Variants in CCDC186 observed in about 807,000 individuals in gnomAD.
CCDC186 encodes coiled-coil domain-containing protein 186.
CCDC186 carries 49 observed loss-of-function variants against 113.7 expected under a neutral mutation model. The ratio of observed to expected loss-of-function variants is 0.43; its 90% CI spans 0.34 to 0.55. The LOEUF is 0.55. CCDC186 is among the 20% of genes least tolerant of loss of function. The pLI is 0.02. For synonymous variants in CCDC186, 355 were observed against 345.8 expected, an observed-to-expected ratio of 1.03 and a Z score of -0.30; for missense variants, 890 against 1,011.1, an observed-to-expected ratio of 0.88 and a Z score of 1.62.
At chr10:114,144,778 G>C (rs1238344652) in intron 5 of CCDC186, among the ~76,000 whole-genome samples, 162 bp from the exon 6 acceptor site, 1 of 151,874 alleles carries the variant, frequency 6.6e-6, no homozygotes, top group Admixed American at 6.6e-5. Context: ...ATGAGAAGAG[G>C]GTAGTAAAAT....
In CCDC186 at chr10:114,125,775, ATGAC is replaced by A. The variant is rs2030879872; in HGVS notation, c.2613+107_2613+110del. 3.8e-6 allele frequency: 3 copies of A among 781,158 alleles called. No individual in the cohort carries two copies. The South Asian group carries it at 6.3e-5, about 16-fold the overall frequency. The allele number at this position is 781,158 out of a possible 1,614,324, so 48.4% of individuals were successfully genotyped here. ...TCACGAAACTTCATCTTTGGGTAAAATGACTGCCTTGCATTACAGAAACAGCCCA... is the reference window on the plus strand; with the variant it reads ...TCACGAAACTTCATCTTTGGGTAAAATGCCTTGCATTACAGAAACAGCCCA... On this transcript the variant is annotated intron_variant, in intron 15 of 15. Coordinates refer to ENST00000369287, the MANE Select transcript of CCDC186 (RefSeq NM_018017.4).
Position 114,169,234 on chromosome 10 carries a change from CTTTTTTT to C in CCDC186, c.-62+4774_-62+4780del, listed in dbSNP as rs34677282. ...TTAAATTATAAACTGTAGTACCATT[CTTTTTTT>C]TTTTTTTTTTTTTTTTTCTTAAAAA... On this transcript the variant is annotated intron_variant, in intron 1 of 15. Coordinates refer to ENST00000369287, the MANE Select transcript of CCDC186 (RefSeq NM_018017.4). 5.0e-3 allele frequency among the ~76,000 whole-genome samples: 492 copies of C among 97,514 alleles called. 1 individual carries two copies. The highest frequency in any genetic ancestry group is 0.041 in the Admixed American group (357 of 8,716). The allele number at this position is 97,514 out of a possible 152,430, so 64.0% of individuals were successfully genotyped here. A position where few individuals can be genotyped will look rare whatever the true frequency, so the allele number is the denominator to read the frequency against.
chr10:114,167,435 T>C (rs1564920569), intron 1 of CCDC186, among the ~76,000 whole-genome samples: 1 of 152,028 alleles, frequency 6.6e-6, no homozygotes. Context: ...GAAAAAGCAA[T>C]GAACTTGATT....
chr10:114,162,497 A>G (rs2032201595), intron 2 of CCDC186, 140 bp downstream of exon 2: 1 of 619,488 alleles, frequency 1.6e-6, no homozygotes, highest in Non-Finnish European at 2.6e-6. Flanking sequence ...GCAACTATAC[A>G]TTTATTGTTC....
chr10:114,129,946 C>T lies in CCDC186; in HGVS notation c.2127G>A (p.Glu709=). 1 of 1,613,598 alleles carries T rather than the reference C, an allele frequency of 6.2e-7. No homozygotes were observed. Among genetic ancestry groups the T allele is most frequent in the Non-Finnish European group, 8.5e-7 (1 of 1,179,668 alleles). ...TGACTTCTTTGTCATAGCTTCCACT[C>T]TCAACCTGATCTAATTTTCTTCGTG... The part of the protein sequence containing the change: ...QQARRKLDQV[E]SGSYDKEVSS... Residue 709 remains glutamate (E), a synonymous_variant, in exon 13 of 16, where the codon GAG becomes GAA. Coordinates refer to ENST00000369287, the MANE Select transcript of CCDC186 (RefSeq NM_018017.4).
intron 1 of CCDC186, among the ~76,000 whole-genome samples, chr10:114,169,156 AGT>A (rs2032415595): frequency 6.6e-6 from 1 of 151,992 alleles, no homozygotes; most frequent in South Asian, 2.1e-4. Context: ...GAAATGCAGA[AGT>A]GTTTTAAGTA....
chr10:114,144,279 T>G (rs1003824732), intron 6 of CCDC186, among the ~76,000 whole-genome samples: 4 of 152,132 alleles, frequency 2.6e-5, no homozygotes, highest in Admixed American at 2.0e-4. Context: ...GTAAATAATG[T>G]GAGGACATTT....
At chr10:114,153,574 T>C (rs1431396021) in intron 3 of CCDC186, among the ~76,000 whole-genome samples, 1 of 151,490 alleles carries the variant, frequency 6.6e-6, no homozygotes, top group African/African-American at 2.4e-5. Context: ...TCACTTGAGG[T>C]CAGGAGTTCG....
At chr10:114,155,679 GATAAAATAAA>G (rs771439823) in intron 3 of CCDC186, among the ~76,000 whole-genome samples, 4 of 151,106 alleles carry the variant, frequency 2.6e-5, no homozygotes, top group South Asian at 4.2e-4. Flanking sequence ...CCATCTCAAA[GATAAAATAAA>G]ATAAAATAAA....
In CCDC186 at chr10:114,172,425, T is replaced by C. The variant is rs2032519055; in HGVS notation, c.-62+1590A>G. Among the ~76,000 whole-genome samples the C allele has an allele frequency of 2.0e-5, 3 of 152,340 alleles. No homozygotes were observed. The South Asian group carries it at 6.2e-4, about 32-fold the overall frequency. On this transcript the variant is annotated intron_variant, in intron 1 of 15. Transcript: ENST00000369287. ...TCACTGCATAGCATTAAAGGACAAC[T>C]CTACTTTATGGGTGAAAGAACTAAA...
chr10:114,171,903 C>A (rs2032504152), intron 1 of CCDC186, among the ~76,000 whole-genome samples: 1 of 152,084 alleles, frequency 6.6e-6, no homozygotes, highest in South Asian at 2.1e-4. Context: ...AGTATTTTTC[C>A]TTTTTCTTAC....
At chr10:114,170,291 C>T (rs1182425280) in intron 1 of CCDC186, among the ~76,000 whole-genome samples, 3 of 151,818 alleles carry the variant, frequency 2.0e-5, no homozygotes, top group Non-Finnish European at 4.4e-5. Context: ...TTAAAGTAGT[C>T]ACATCCTATT....
chr10:114,132,814 G>C (rs189128977), intron 10 of CCDC186, among the ~76,000 whole-genome samples: 6 of 152,348 alleles, frequency 3.9e-5, no homozygotes, highest in African/African-American at 1.4e-4. Flanking sequence ...GAGGCTTCTT[G>C]TTGGTCCTAA....
rs775134226 is a variant in CCDC186, at chr10:114,132,010, C to G, written c.1830G>C (p.Gln610His). The G allele has an allele frequency of 1.2e-6, 2 of 1,613,114 alleles. No homozygotes were observed. Among genetic ancestry groups the G allele is most frequent in the African/African-American group, 2.7e-5 (2 of 74,910 alleles). ...AQLQSESNSL[Q>H]SQFDKVSCSE... ...TACAGGAAACTTTATCAAATTGTGA[C>G]TGCAAAGAATTGGATTCAGACTGAA... is the stretch of plus-strand genomic sequence containing the variant. The change falls in exon 11 of 16, where the codon CAG (glutamine) becomes CAC (histidine). Residue 610 changes from glutamine (Q) to histidine (H), a missense_variant. Transcript: ENST00000369287.
intron 1 of CCDC186, 127 bp from the exon 2 acceptor site, chr10:114,163,456 T>C (rs1389944082): frequency 1.3e-6 from 1 of 779,438 alleles, no homozygotes; most frequent in Non-Finnish European, 1.9e-6. Flanking sequence ...TTTAAAAGCC[T>C]GTCCTTGAGA....
intron 4 of CCDC186, among the ~76,000 whole-genome samples, chr10:114,148,860 G>A (rs1474316764): frequency 1.3e-5 from 2 of 152,230 alleles, no homozygotes; most frequent in Non-Finnish European, 2.9e-5. Context: ...TCTATGAAAT[G>A]AGGAAACCTC....
chr10:114,123,445 A>G lies in CCDC186; in HGVS notation c.*1698T>C, dbSNP rs1187869317. ...TAAACGATGTTGATTAAAAAATGTT[A>G]AAACACATTAAAAGGATATTGCCAC... is the stretch of plus-strand genomic sequence containing the variant. On this transcript the variant is annotated 3_prime_UTR_variant, in exon 16 of 16. Coordinates refer to ENST00000369287, the MANE Select transcript of CCDC186 (RefSeq NM_018017.4). The G allele has an allele frequency of 1.3e-5, 2 of 152,202 alleles. No homozygotes were observed. Among genetic ancestry groups the G allele is most frequent in the Non-Finnish European group, 2.9e-5 (2 of 68,030 alleles). 9.4% of individuals were successfully genotyped at this position (152,202 alleles called of 1,614,324 possible). A position where few individuals can be genotyped will look rare whatever the true frequency, so the allele number is the denominator to read the frequency against.
At chr10:114,136,563 A>G (rs1284375693) in intron 7 of CCDC186, among the ~76,000 whole-genome samples, 1 of 152,208 alleles carries the variant, frequency 6.6e-6, no homozygotes, top group Non-Finnish European at 1.5e-5. Flanking sequence ...AATTAAGTTT[A>G]TTAATTGTGA....
intron 14 of CCDC186, among the ~76,000 whole-genome samples, chr10:114,127,079 G>C (rs1027793228): frequency 2.0e-5 from 3 of 151,960 alleles, no homozygotes; most frequent in African/African-American, 7.2e-5. Context: ...TGTACTACTA[G>C]GTACTCAATA....
Sources: gnomAD v4.1 joint callset for allele counts (sites outside exome capture counted in the v4.1 genomes callset) on GRCh38, gnomAD v4.1.1 for gene constraint, MANE v1.5 for transcripts, NCBI Gene and HGNC (gene_info 2026-07-23, HGNC 2026-07-21) for gene names.